The following BMP6 variants were observed in gnomAD, a reference collection of about 807,000 sequenced individuals.
The protein encoded by BMP6 is bone morphogenetic protein 6, also known as VG-1-R.
BMP6 carries 17 observed loss-of-function variants against 54.1 expected under a neutral mutation model. That is an observed-to-expected ratio of 0.31 (90% CI 0.22 to 0.47). BMP6 has a LOEUF of 0.47. Ranked by LOEUF, BMP6 falls within the 20% of genes least tolerant of loss-of-function variation. The pLI is 1.00. For missense variants in BMP6, 720 were observed against 690.4 expected (o/e 1.04, Z -0.48); for synonymous variants, 328 against 291.2 (o/e 1.13, Z -1.28).
intron 1 of BMP6, among the ~76,000 whole-genome samples, chr6:7,764,086 T>A (rs1044899612): frequency 2.0e-5 from 3 of 152,150 alleles, no homozygotes; most frequent in Non-Finnish European, 2.9e-5. Context: ...GTTCCAGGGC[T>A]TGGGAGGAGC....
chr6:7,807,379 C>T (rs1294737402), intron 1 of BMP6, among the ~76,000 whole-genome samples: 1 of 152,134 alleles, frequency 6.6e-6, no homozygotes, highest in Non-Finnish European at 1.5e-5. Context: ...TTGGAACCTC[C>T]ACCTTCCAGT....
At chr6:7,750,097 T>G (rs1757400554) in intron 1 of BMP6, among the ~76,000 whole-genome samples, 1 of 152,182 alleles carries the variant, frequency 6.6e-6, no homozygotes. Context: ...CTGAGGGTGC[T>G]TTTACTCACT....
intron 1 of BMP6, among the ~76,000 whole-genome samples, chr6:7,828,092 CA>C (rs1181988886): frequency 1.3e-5 from 2 of 152,162 alleles, no homozygotes; most frequent in Non-Finnish European, 2.9e-5. Context: ...ATCATACATT[CA>C]AATGCTTGAG....
At chr6:7,874,983 G>A (rs1759586340) in intron 4 of BMP6, among the ~76,000 whole-genome samples, 1 of 152,140 alleles carries the variant, frequency 6.6e-6, no homozygotes, top group Admixed American at 6.5e-5. Flanking sequence ...GGCAATTACG[G>A]AGGCCAAGAA....
At position 7,727,233 on chromosome 6, in the gene BMP6, C is replaced by G. The variant is rs759757384; in HGVS notation, c.278C>G (p.Pro93Arg). The G allele has an allele frequency of 1.9e-6, 3 of 1,606,430 alleles. No homozygotes were observed. Among genetic ancestry groups the G allele is most frequent in the South Asian group, 2.2e-5 (2 of 90,556 alleles). Residue 93 changes from proline to arginine, a missense_variant, in exon 1 of 7, where the codon CCC becomes CGC. By Grantham distance (103) the Pro-to-Arg change is moderately radical. This residue lies in a region of BMP6 where 650 missense variants were observed against 556.3 expected (regional missense o/e 1.17). Transcript: ENST00000283147. ...TCGGTGCTGGGGCTCCCGCACCGGC[C>G]CCGGCCCCTGCACGGCCTCCAACAG... ...ILSVLGLPHRPRPLHGLQQPQ... is the reference protein window; with the variant it reads ...ILSVLGLPHRRRPLHGLQQPQ...
chr6:7,829,310 C>T lies in BMP6; in HGVS notation c.665-15830C>T, dbSNP rs571474824. Among the ~76,000 whole-genome samples the T allele has an allele frequency of 6.6e-5, 10 of 152,200 alleles. No homozygotes were observed. In the South Asian group the frequency reaches 2.1e-3, roughly 32 times the overall value. The stretch of plus-strand genomic sequence containing the variant: ...TCCTTCCTTCCTTCCCTACCTCCCT[C>T]CAGAAATGTTGATGGGAGCAGGAAA... On this transcript the variant is annotated intron_variant, in intron 1 of 6. Coordinates refer to ENST00000283147, the MANE Select transcript of BMP6 (RefSeq NM_001718.6).
intron 3 of BMP6, 84 bp downstream of exon 3, chr6:7,861,683 G>C: frequency 6.4e-7 from 1 of 1,554,566 alleles, no homozygotes; most frequent in Non-Finnish European, 8.8e-7. Context: ...ATAGAACCGT[G>C]GGCAACAGGC....
In BMP6 at chr6:7,751,642, C is replaced by G. The variant is rs139152411; in HGVS notation, c.664+24023C>G. On this transcript the variant is annotated intron_variant, in intron 1 of 6. Coordinates refer to ENST00000283147, the MANE Select transcript of BMP6 (RefSeq NM_001718.6). The stretch of plus-strand genomic sequence containing the variant: ...ATTATATTTACAAATCTCTATGGAA[C>G]AACCGTAGCATGTTAAGACCTATAA... Among the ~76,000 whole-genome samples the G allele has an allele frequency of 5.3e-5, 8 of 152,318 alleles. No homozygotes were observed. In the East Asian group the frequency reaches 1.5e-3, roughly 29 times the overall value.
intron 1 of BMP6, among the ~76,000 whole-genome samples, chr6:7,734,522 C>A (rs1761923638): frequency 6.6e-6 from 1 of 152,118 alleles, no homozygotes; most frequent in Admixed American, 6.5e-5. Context: ...CCGAGGAAAC[C>A]CAAATCTGGA....
intron 1 of BMP6, among the ~76,000 whole-genome samples, chr6:7,788,011 TAAGTA>T (rs1425432767): frequency 6.6e-6 from 1 of 152,198 alleles, no homozygotes; most frequent in Non-Finnish European, 1.5e-5. Context: ...GATATAACTT[TAAGTA>T]TAGTTTCACA....
intron 4 of BMP6, among the ~76,000 whole-genome samples, chr6:7,878,567 C>G (rs932062760): frequency 1.3e-5 from 2 of 152,224 alleles, no homozygotes; most frequent in African/African-American, 4.8e-5. Flanking sequence ...CCCTCTCCCC[C>G]GTTCCTGGGC....
At chr6:7,875,585 T>G (rs538140845) in intron 4 of BMP6, among the ~76,000 whole-genome samples, 1 of 152,282 alleles carries the variant, frequency 6.6e-6, no homozygotes, top group South Asian at 2.1e-4. Flanking sequence ...GGAGGATTGC[T>G]TGAGCCCAGG....
chr6:7,810,152 C>T (rs1038663126), intron 1 of BMP6, among the ~76,000 whole-genome samples: 1 of 152,118 alleles, frequency 6.6e-6, no homozygotes, highest in Admixed American at 6.5e-5. Context: ...AAATAGATTT[C>T]TTTGATTCGC....
At chr6:7,861,632 G>A in intron 3 of BMP6, 33 bp downstream of exon 3, 2 of 1,611,862 alleles carry the variant, frequency 1.2e-6, no homozygotes, top group African/African-American at 1.3e-5. Flanking sequence ...CCAACGTCCA[G>A]CAAGTCATCA....
chr6:7,752,845 G>A (rs1480622809), intron 1 of BMP6, among the ~76,000 whole-genome samples: 1 of 152,168 alleles, frequency 6.6e-6, no homozygotes, highest in Non-Finnish European at 1.5e-5. Flanking sequence ...CATTGCTCAT[G>A]TGTTTTCCCC....
intron 4 of BMP6, among the ~76,000 whole-genome samples, chr6:7,870,987 A>G (rs1759515548): frequency 6.6e-6 from 1 of 152,194 alleles, no homozygotes; most frequent in South Asian, 2.1e-4. Context: ...AGCTTCCTGT[A>G]TCATGGGCCC....
chr6:7,804,839 A>G (rs532435006), intron 1 of BMP6, among the ~76,000 whole-genome samples: 35 of 152,274 alleles, frequency 2.3e-4, no homozygotes, highest in Non-Finnish European at 4.6e-4. Flanking sequence ...GATGATTTCC[A>G]TGATGGGACT....
intron 1 of BMP6, among the ~76,000 whole-genome samples, chr6:7,737,674 T>A (rs1407842673): frequency 6.6e-6 from 1 of 152,094 alleles, no homozygotes; most frequent in East Asian, 1.9e-4. Context: ...TTAATAAAAT[T>A]GGCAACTCCA....
At chr6:7,809,636 C>A (rs1447436696) in intron 1 of BMP6, among the ~76,000 whole-genome samples, 1 of 152,142 alleles carries the variant, frequency 6.6e-6, no homozygotes, top group African/African-American at 2.4e-5. Context: ...TGACCACATT[C>A]CACCCACCAC....
Sources: allele counts gnomAD v4.1 joint callset (sites outside exome capture counted in the v4.1 genomes callset), GRCh38; gene constraint gnomAD v4.1.1; regional missense constraint gnomAD v4.1.1; transcripts MANE v1.5; gene names NCBI Gene and HGNC (gene_info 2026-07-23, HGNC 2026-07-21).